DNAAF1: variants seen among roughly 807,000 people sequenced by gnomAD.
DNAAF1 encodes the protein dynein axonemal assembly factor 1, also known as dynein assembly factor 1, axonemal.
DNAAF1 carries 65 observed loss-of-function variants against 71.1 expected under a neutral mutation model. The observed-to-expected ratio is 0.91, with a 90% CI of 0.75 to 1.12. The LOEUF (loss-of-function observed/expected upper bound fraction) is 1.12. DNAAF1 is among the 50% of genes most tolerant of loss of function. The pLI is 0.00. For missense variants in DNAAF1, 1,178 were observed against 899.8 expected (o/e 1.31, Z -3.96); for synonymous variants, 414 against 354.6 (o/e 1.17, Z -1.88).
chr16:84,172,012 A>G (rs978711929), intron 8 of DNAAF1, among the ~76,000 whole-genome samples: 3 of 151,526 alleles, frequency 2.0e-5, no homozygotes, highest in African/African-American at 4.9e-5. Context: ...CAAGTAGCTG[A>G]GACTACAGGT....
chr16:84,149,751 G>A (rs937276669), intron 2 of DNAAF1, among the ~76,000 whole-genome samples: 5 of 150,562 alleles, frequency 3.3e-5, no homozygotes, highest in East Asian at 2.0e-4. Flanking sequence ...TAAGCCAAGC[G>A]TGGTGGCCCT....
intron 10 of DNAAF1, 132 bp from the exon 11 acceptor site, chr16:84,175,801 T>C (rs1297046133): frequency 9.3e-6 from 11 of 1,188,148 alleles, no homozygotes; most frequent in African/African-American, 5.9e-5. Context: ...CTGTGTTCCC[T>C]TGGGCCTTTC....
intron 5 of DNAAF1, chr16:84,159,110 G>A: frequency 1.0e-6 from 1 of 992,436 alleles, no homozygotes; most frequent in Non-Finnish European, 1.2e-6. Flanking sequence ...AGGATGGCAG[G>A]TCGGATTGCC....
rs373103805 is a variant in DNAAF1, at chr16:84,159,698, C to G, written c.765C>G (p.Asn255Lys). Reference sequence around the variant, plus strand: ...AGCGTGTACTGAATTTGATGGGAAACCCGGTTATCAGACAGATTCCTAATT... The same window carrying G: ...AGCGTGTACTGAATTTGATGGGAAAGCCGGTTATCAGACAGATTCCTAATT... Reference protein sequence around the residue: ...PDLRVLNLMGNPVIRQIPNYR... With the variant: ...PDLRVLNLMGKPVIRQIPNYR... The change falls in exon 6 of 12, where the codon AAC becomes AAG. Residue 255 changes from asparagine (N) to lysine (K), a missense_variant. Coordinates refer to ENST00000378553, the MANE Select transcript of DNAAF1 (RefSeq NM_178452.6). 53 of 1,613,454 alleles carry G rather than the reference C, an allele frequency of 3.3e-5. No individual in the cohort carries two copies. Among genetic ancestry groups the G allele is most frequent in the Non-Finnish European group, 4.4e-5 (52 of 1,179,704 alleles).
At position 84,174,051 on chromosome 16, in the gene DNAAF1, C is replaced by T. The variant is rs115161009; in HGVS notation, c.1645-618C>T. On this transcript the variant is annotated intron_variant, in intron 9 of 11. Transcript: ENST00000378553. ...TCTAAGCAGTACATACTATTATCATCCCAATTTCCCAGATGAGGAAAATGA... is the reference window on the plus strand; with the variant it reads ...TCTAAGCAGTACATACTATTATCATTCCAATTTCCCAGATGAGGAAAATGA... 3.1e-3 allele frequency: 891 copies of T among 290,990 alleles called. 8 individuals are homozygous for T. The highest frequency in any genetic ancestry group is 0.019 in the African/African-American group (846 of 43,972). 18.0% of individuals were successfully genotyped at this position (290,990 alleles called of 1,614,324 possible). A position where few individuals can be genotyped will look rare whatever the true frequency, so the allele number is the denominator to read the frequency against.
Position 84,155,101 on chromosome 16 carries a change from G to A in DNAAF1, c.574+303G>A, listed in dbSNP as rs189059300. 2.2e-4 allele frequency among the ~76,000 whole-genome samples: 33 copies of A among 152,204 alleles called. No homozygotes were observed. In the East Asian group the frequency reaches 5.4e-3, roughly 25 times the overall value. ...TTTTTTGTATTTTTAGTAGAGACGG[G>A]GTTTCACCGTGTTAGCCAGGATGGT... On this transcript the variant is annotated intron_variant, in intron 4 of 11. Coordinates refer to ENST00000378553, the MANE Select transcript of DNAAF1 (RefSeq NM_178452.6).
intron 7 of DNAAF1, among the ~76,000 whole-genome samples, chr16:84,167,319 G>A (rs1597463432): frequency 6.6e-6 from 1 of 152,176 alleles, no homozygotes; most frequent in East Asian, 1.9e-4. Context: ...TAACTCCAGT[G>A]TTCAGCAACT....
At position 84,177,756 on chromosome 16, in the gene DNAAF1, CA is replaced by C. The variant is rs1159289178; in HGVS notation, c.2094del (p.Glu699ArgfsTer36). 1.9e-6 allele frequency: 3 copies of C among 1,614,050 alleles called. No homozygotes were observed. The highest frequency in any genetic ancestry group is 2.5e-6 in the Non-Finnish European group (3 of 1,179,980). ...CCGACTGAGAGCGCCGCCACACCCC[CA>C]GAGACGTGTGTCGGAGTTGCCCAGC... is the stretch of plus-strand genomic sequence containing the variant. ...PVPTESAATP[P>X]ETCVGVAQPS... On this transcript the variant is annotated frameshift_variant, in exon 12 of 12. Coordinates refer to ENST00000378553, the MANE Select transcript of DNAAF1 (RefSeq NM_178452.6). LOFTEE classifies it low-confidence loss of function (END_TRUNC).
chr16:84,155,055 C>G (rs1436466493), intron 4 of DNAAF1, among the ~76,000 whole-genome samples: 1 of 151,980 alleles, frequency 6.6e-6, no homozygotes, highest in Non-Finnish European at 1.5e-5. Context: ...ACTACAGGCA[C>G]CCACCACCAC....
chr16:84,177,837 C>A lies in DNAAF1; in HGVS notation c.2174C>A (p.Ser725Ter). 1 of 1,612,810 alleles carries A rather than the reference C, an allele frequency of 6.2e-7. No individual in the cohort carries two copies. Among genetic ancestry groups the A allele is most frequent in the South Asian group, 1.1e-5 (1 of 91,044 alleles). The change falls in exon 12 of 12, where the codon TCA becomes TAA. Residue 725 changes from serine (S) to a stop codon, truncating the protein, a stop_gained. Transcript: ENST00000378553. LOFTEE classifies it high-confidence loss of function. The part of the protein sequence containing the change: ...DLTAFPAPKA[S>*] Reference sequence around the variant, plus strand: ...ACTGCATTCCCAGCACCGAAAGCATCATAGTTTTCCCCAGTTATATGTAGC... The same window carrying A: ...ACTGCATTCCCAGCACCGAAAGCATAATAGTTTTCCCCAGTTATATGTAGC...
chr16:84,171,891 T>C (rs2088368908), intron 8 of DNAAF1, among the ~76,000 whole-genome samples: 2 of 151,334 alleles, frequency 1.3e-5, no homozygotes, highest in African/African-American at 4.8e-5. Flanking sequence ...TTTTTTTTTT[T>C]TTTTGAGATG....
chr16:84,176,168 C>T lies in DNAAF1; in HGVS notation c.1934C>T (p.Pro645Leu). 1.2e-6 allele frequency: 2 copies of T among 1,614,102 alleles called. No homozygotes were observed. Among genetic ancestry groups the T allele is most frequent in the South Asian group, 2.2e-5 (2 of 91,084 alleles). Residue 645 changes from proline (P) to leucine (L), a missense_variant, in exon 11 of 12, where the codon CCC (proline) becomes CTC (leucine). Physicochemically the swap from Pro to Leu is moderately conservative, Grantham distance 98 (BLOSUM62 -3). Transcript: ENST00000378553. ...IRKQDTKSPR[P>L]LIQELSDEDP... ...AAACAAGACACCAAGTCCCCAAGAC[C>T]CCTGATCCAGGAGCTCAGCGACGAG...
chr16:84,152,612 C>T (rs559961344), intron 3 of DNAAF1, among the ~76,000 whole-genome samples: 44 of 145,148 alleles, frequency 3.0e-4, no homozygotes, highest in Middle Eastern at 4.0e-3. Flanking sequence ...TGTGCTACCG[C>T]GCTCCAGCCT....
In DNAAF1 at chr16:84,159,813, C is replaced by T; in HGVS notation, c.863+17C>T. The T allele has an allele frequency of 6.2e-7, 1 of 1,612,814 alleles. No individual in the cohort carries two copies. The highest frequency in any genetic ancestry group is 8.5e-7 in the Non-Finnish European group (1 of 1,179,398). On this transcript the variant is annotated intron_variant, in intron 6 of 11. Coordinates refer to ENST00000378553, the MANE Select transcript of DNAAF1 (RefSeq NM_178452.6). The stretch of plus-strand genomic sequence containing the variant: ...AAAGGACAGGTAAGAAGAGAAAAGC[C>T]TTCTGATCACATTTTAATATTTAGT...
intron 10 of DNAAF1, chr16:84,175,552 G>C: frequency 3.6e-6 from 1 of 279,832 alleles, no homozygotes; most frequent in South Asian, 3.9e-5. Flanking sequence ...CAGCAGCAAA[G>C]AAAACAGACA....
In DNAAF1 at chr16:84,155,562, TCTG is replaced by T; in HGVS notation, c.575-17_575-15del. 6.2e-7 allele frequency: 1 copy of T among 1,613,888 alleles called. No homozygotes were observed. Among genetic ancestry groups the T allele is most frequent in the Non-Finnish European group, 8.5e-7 (1 of 1,179,908 alleles). On this transcript the variant is annotated intron_variant, in intron 4 of 11. Coordinates refer to ENST00000378553, the MANE Select transcript of DNAAF1 (RefSeq NM_178452.6). ...CATTTTTATGCCTTTGTTTTTGACTTCTGCTGACCTTACCTTCCAGCCTGCCTC... is the reference window on the plus strand; with the variant it reads ...CATTTTTATGCCTTTGTTTTTGACTTCTGACCTTACCTTCCAGCCTGCCTC...
At chr16:84,168,505 T>G (rs2088142157) in intron 7 of DNAAF1, among the ~76,000 whole-genome samples, 1 of 152,178 alleles carries the variant, frequency 6.6e-6, no homozygotes, top group Non-Finnish European at 1.5e-5. Flanking sequence ...CTCGAACTCC[T>G]GGCCTCAAGC....
chr16:84,159,348 G>C, intron 5 of DNAAF1: 1 of 814,586 alleles, frequency 1.2e-6, no homozygotes, highest in African/African-American at 1.8e-5. Context: ...TTCAGTAAAA[G>C]AGGTTGGGTA....
rs770718362 is a variant in DNAAF1, at chr16:84,166,391, G to C, written c.1030+442G>C. Among the ~76,000 whole-genome samples the C allele has an allele frequency of 5.6e-3, 306 of 54,850 alleles. 1 individual carries two copies. The highest frequency in any genetic ancestry group is 9.6e-3 in the Middle Eastern group (1 of 104). The allele number at this position is 54,850 out of a possible 152,430, so 36.0% of individuals were successfully genotyped here. A position where few individuals can be genotyped will look rare whatever the true frequency, so the allele number is the denominator to read the frequency against. On this transcript the variant is annotated intron_variant, in intron 7 of 11. Coordinates refer to ENST00000378553, the MANE Select transcript of DNAAF1 (RefSeq NM_178452.6). ...TTTTCTTTTTTTTTTTTTTTTTTTTGGTTGGGACAGGATCTTACTCTGTTG... is the reference window on the plus strand; with the variant it reads ...TTTTCTTTTTTTTTTTTTTTTTTTTCGTTGGGACAGGATCTTACTCTGTTG...
Sources: allele counts gnomAD v4.1 joint callset (sites outside exome capture counted in the v4.1 genomes callset), GRCh38; gene constraint gnomAD v4.1.1; transcripts MANE v1.5; gene names NCBI Gene and HGNC (gene_info 2026-07-23, HGNC 2026-07-21).